SDS: variants seen among roughly 807,000 people sequenced by gnomAD.
SDS encodes the protein L-serine dehydratase/L-threonine deaminase.
A neutral mutation model predicts 29.3 loss-of-function variants in SDS; 19 were observed. The ratio of observed to expected loss-of-function variants is 0.65; its 90% CI spans 0.45 to 0.95. The LOEUF (loss-of-function observed/expected upper bound fraction) is 0.95, where lower values mean the gene tolerates loss of function less well. Ranked by LOEUF, SDS falls within the 40% of genes least tolerant of loss-of-function variation. The pLI is 0.00. For synonymous variants in SDS, 176 were observed against 189.0 expected, an observed-to-expected ratio of 0.93 and a Z score of 0.56; for missense variants, 375 against 439.9, an observed-to-expected ratio of 0.85 and a Z score of 1.32.
intron 1 of SDS, among the ~76,000 whole-genome samples, 195 bp downstream of exon 1, chr12:113,403,573 T>C (rs576297269): frequency 6.6e-6 from 1 of 152,198 alleles, no homozygotes; most frequent in South Asian, 2.1e-4. Context: ...CTCACTCTGT[T>C]GCCCAGCTCA....
rs780431538 is a variant in SDS at position 113,393,116 on chromosome 12, C to G, written c.812G>C (p.Gly271Ala). The G allele has an allele frequency of 6.2e-7, 1 of 1,614,088 alleles. No individual in the cohort carries two copies. Among genetic ancestry groups the G allele is most frequent in the Non-Finnish European group, 8.5e-7 (1 of 1,180,040 alleles). ...DEKILVEPAC[G>A]AALAAVYSHV... ...GCTATAGACAGCGGCCAGGGCTGCC[C>G]CGCAGGCGGGCTCCACCAGGATCTT... The change falls in exon 8 of 8, where the codon GGG (glycine) becomes GCG (alanine). Residue 271 changes from glycine to alanine, a missense_variant. Gly to Ala is a moderately conservative substitution (Grantham distance 60). Coordinates refer to ENST00000257549, the MANE Select transcript of SDS (RefSeq NM_006843.3).
intron 6 of SDS, chr12:113,396,544 C>CTCTTCCTT (rs1957647053): frequency 3.9e-5 from 1 of 25,776 alleles, no homozygotes; most frequent in Admixed American, 5.9e-4. Flanking sequence ...CTCCCTCTCT[C>CTCTTCCTT]CCTTCCTTCC....
chr12:113,392,886 G>T lies in SDS; in HGVS notation c.*55C>A. 1 of 1,529,430 alleles carries T rather than the reference G, an allele frequency of 6.5e-7. No individual in the cohort carries two copies. 94.7% of individuals were successfully genotyped at this position (1,529,430 alleles called of 1,614,324 possible). A position where few individuals can be genotyped will look rare whatever the true frequency, so the allele number is the denominator to read the frequency against. On this transcript the variant is annotated 3_prime_UTR_variant, in exon 8 of 8. Transcript: ENST00000257549. ...CGACGAGGCGCTGGATAAAACTCCA[G>T]CCCCTCCAGGGGTCTCTTGGGCTAG...
intron 2 of SDS, 94 bp from the exon 3 acceptor site, chr12:113,399,245 G>T: frequency 7.5e-7 from 1 of 1,325,482 alleles, no homozygotes; most frequent in Non-Finnish European, 1.1e-6. Flanking sequence ...GATTCCAGTG[G>T]ACACGGACGT....
rs148912649 is a variant in SDS at position 113,394,692 on chromosome 12, C to T, written c.654-676G>A. 1.4e-4 allele frequency among the ~76,000 whole-genome samples: 22 copies of T among 152,220 alleles called. No individual in the cohort carries two copies. The East Asian group carries it at 3.3e-3, about 23-fold the overall frequency. On this transcript the variant is annotated intron_variant, in intron 6 of 7. Coordinates refer to ENST00000257549, the MANE Select transcript of SDS (RefSeq NM_006843.3). ...AAGTGATCCTCCTGCCTCGGCACAG[C>T]GTCATATTCTGATCAACACTAAGTC... is the stretch of plus-strand genomic sequence containing the variant.
Position 113,392,615 on chromosome 12 carries a change from T to C in SDS, c.*326A>G. 1 of 329,408 alleles carries C rather than the reference T, an allele frequency of 3.0e-6. No individual in the cohort carries two copies. The highest frequency in any genetic ancestry group is 5.6e-6 in the Non-Finnish European group (1 of 178,514). 20.4% of individuals were successfully genotyped at this position (329,408 alleles called of 1,614,324 possible). On this transcript the variant is annotated 3_prime_UTR_variant, in exon 8 of 8. Transcript: ENST00000257549. ...AAGTTCAGGGGCGAGGTCACAGCTTTGAGGAATTCCTCACTGCTGTGATTC... is the reference window on the plus strand; with the variant it reads ...AAGTTCAGGGGCGAGGTCACAGCTTCGAGGAATTCCTCACTGCTGTGATTC...
intron 6 of SDS, among the ~76,000 whole-genome samples, chr12:113,394,768 C>T (rs1299428794): frequency 6.6e-6 from 1 of 152,112 alleles, no homozygotes; most frequent in African/African-American, 2.4e-5. Context: ...GGACTCCCTG[C>T]TTTTGCTCCG....
intron 1 of SDS, 88 bp from the exon 2 acceptor site, chr12:113,399,798 C>T (rs1957673306): frequency 1.5e-6 from 2 of 1,291,614 alleles, no homozygotes; most frequent in African/African-American, 1.5e-5. Context: ...CGCTTCCCAG[C>T]AAGCCAAGCA....
intron 7 of SDS, 32 bp from the exon 8 acceptor site, chr12:113,393,181 C>T (rs777516375): frequency 6.2e-7 from 1 of 1,604,258 alleles, no homozygotes; most frequent in Admixed American, 1.7e-5. Context: ...AGGGGCGTGG[C>T]CTGAGTTTCC....
At chr12:113,398,127 G>GT (rs1347535035) in intron 5 of SDS, among the ~76,000 whole-genome samples, 11 of 149,024 alleles carry the variant, frequency 7.4e-5, no homozygotes. Context: ...CTGGAGTGCA[G>GT]TGGCGTGATC....
chr12:113,393,662 A>G (rs958609412), intron 7 of SDS, among the ~76,000 whole-genome samples: 1 of 152,206 alleles, frequency 6.6e-6, no homozygotes, highest in African/African-American at 2.4e-5. Context: ...TTCTGCTGCT[A>G]TGGTTATCAG....
At position 113,394,080 on chromosome 12, in the gene SDS, G is replaced by A. The variant is rs560043234; in HGVS notation, c.654-64C>T. ...GGAAACAGGAGAGAGATGGGGGCAG[G>A]GAGGGAGAGAAGGAGATGGATGTGA... On this transcript the variant is annotated intron_variant, in intron 6 of 7. Coordinates refer to ENST00000257549, the MANE Select transcript of SDS (RefSeq NM_006843.3). The A allele has an allele frequency of 3.3e-6, 5 of 1,535,346 alleles. 1 individual carries two copies. In the African/African-American group the frequency reaches 4.1e-5, roughly 13 times the overall value.
chr12:113,393,783 GAACTGT>G (rs1957626451), intron 7 of SDS, 103 bp downstream of exon 7: 1 of 1,448,098 alleles, frequency 6.9e-7, no homozygotes, highest in Non-Finnish European at 9.5e-7. Context: ...GTGGAAGACA[GAACTGT>G]GAAGGAAACT....
In SDS at chr12:113,397,349, A is replaced by T; in HGVS notation, c.469T>A (p.Trp157Arg). The T allele has an allele frequency of 6.2e-7, 1 of 1,613,332 alleles. No individual in the cohort carries two copies. The highest frequency in any genetic ancestry group is 1.3e-5 in the African/African-American group (1 of 74,974). ...AGCGCGATGGCCCCCGGCTTTTCCC[A>T]CAGTGTCTCCTTCAGCTCTTTCACG... ...SIVKELKETL[W>R]EKPGAIALSV... The change falls in exon 6 of 8, where the codon TGG becomes AGG. Residue 157 changes from tryptophan to arginine, a missense_variant. Transcript: ENST00000257549.
chr12:113,399,546 G>A lies in SDS; in HGVS notation c.153+10C>T, dbSNP rs771946608. 2.2e-5 allele frequency: 35 copies of A among 1,560,716 alleles called. No homozygotes were observed. The highest frequency in any genetic ancestry group is 2.7e-5 in the African/African-American group (2 of 73,440). On this transcript the variant is annotated intron_variant, in intron 2 of 7. Coordinates refer to ENST00000257549, the MANE Select transcript of SDS (RefSeq NM_006843.3). Reference sequence around the variant, plus strand: ...ACCCCTGCCCAGATAATGCTGACCCGGTCCCGTACCCTCTTGCAGAAGTGC... The same window carrying A: ...ACCCCTGCCCAGATAATGCTGACCCAGTCCCGTACCCTCTTGCAGAAGTGC...
intron 1 of SDS, among the ~76,000 whole-genome samples, chr12:113,400,862 A>G (rs1054076378): frequency 3.9e-5 from 6 of 151,974 alleles, no homozygotes; most frequent in Non-Finnish European, 8.8e-5. Context: ...ATACATTTAA[A>G]AAAAACCTGG....
At chr12:113,398,456 G>A (rs1957661852) in intron 5 of SDS, 59 bp downstream of exon 5, 5 of 1,059,892 alleles carry the variant, frequency 4.7e-6, no homozygotes, top group Middle Eastern at 2.0e-4. Context: ...AGCAATGCCT[G>A]CCCAGTGATA....
chr12:113,399,756 G>A (rs756041361), intron 1 of SDS, 46 bp from the exon 2 acceptor site: 18 of 1,459,000 alleles, frequency 1.2e-5, no homozygotes, highest in Middle Eastern at 5.0e-4. Context: ...AGCTAGCCCC[G>A]GTGCCAGCAC....
chr12:113,394,215 G>A (rs1406275723), intron 6 of SDS, among the ~76,000 whole-genome samples, 199 bp from the exon 7 acceptor site: 1 of 152,096 alleles, frequency 6.6e-6, no homozygotes, highest in Non-Finnish European at 1.5e-5. Context: ...TTCTAATAAG[G>A]TGCAGAGTGT....
Sources: gnomAD v4.1 joint callset for allele counts (sites outside exome capture counted in the v4.1 genomes callset) on GRCh38, gnomAD v4.1.1 for gene constraint, MANE v1.5 for transcripts, NCBI Gene and HGNC (gene_info 2026-07-23, HGNC 2026-07-21) for gene names.